Variants in PRPS1 observed in about 807,000 individuals in gnomAD.
PRPS1 encodes the protein ribose-phosphate pyrophosphokinase 1.
In PRPS1, 1 loss-of-function variant was observed where a neutral mutation model predicts 16.9. That is an observed-to-expected ratio of 0.06 (90% CI 0.02 to 0.28). PRPS1 has a LOEUF of 0.28. Ranked by LOEUF, PRPS1 falls within the 10% of genes least tolerant of loss-of-function variation. PRPS1 has a pLI of 1.00. For synonymous variants in PRPS1, 70 were observed against 90.2 expected, an observed-to-expected ratio of 0.78 and a Z score of 1.27; for missense variants, 47 against 254.0, an observed-to-expected ratio of 0.19 and a Z score of 5.54.
chrX:107,636,134 T>G (rs1168687621), intron 1 of PRPS1, among the ~76,000 whole-genome samples: 1 of 110,672 alleles, frequency 9.0e-6, no homozygotes, highest in Non-Finnish European at 1.9e-5. Context: ...TTTGTTTTGT[T>G]TGGTTTGAGA....
At chrX:107,649,322 A>C (rs1925776807) in intron 6 of PRPS1, among the ~76,000 whole-genome samples, 1 of 110,742 alleles carries the variant, frequency 9.0e-6, no homozygotes, top group African/African-American at 3.3e-5. Context: ...CCTGGGCTCA[A>C]GTGATCCTCC....
At chrX:107,633,702 G>A (rs1037007416) in intron 1 of PRPS1, among the ~76,000 whole-genome samples, 5 of 111,085 alleles carry the variant, frequency 4.5e-5, no homozygotes, top group African/African-American at 9.8e-5. Context: ...CAAGGCAGGC[G>A]GATCACCTGA....
At chrX:107,632,297 G>A (rs1391404099) in intron 1 of PRPS1, among the ~76,000 whole-genome samples, 1 of 112,425 alleles carries the variant, frequency 8.9e-6, no homozygotes, top group Non-Finnish European at 1.9e-5. Flanking sequence ...TACTAGCTGA[G>A]AGGAGGAAGA....
At chrX:107,629,117 G>A (rs1449188728) in intron 1 of PRPS1, among the ~76,000 whole-genome samples, 1 of 111,427 alleles carries the variant, frequency 9.0e-6, no homozygotes, top group Non-Finnish European at 1.9e-5. Context: ...AGGCTGGACT[G>A]GGTTGCTTCA....
chrX:107,639,468 A>G lies in PRPS1; in HGVS notation c.296A>G (p.Lys99Arg). Residue 99 changes from lysine to arginine, a missense_variant, in exon 2 of 7, where the codon AAG becomes AGG. Coordinates refer to ENST00000372435, the MANE Select transcript of PRPS1 (RefSeq NM_002764.4). ...IPCFPYARQD[K>R]KDKSRAPISA... is the part of the protein sequence containing the mutation. ...TGCTTCCCTTATGCCCGGCAGGATA[A>G]GAAAGATAAGGTAGGAGCAGAATTT... The G allele has an allele frequency of 8.3e-7, 1 of 1,211,929 alleles. No individual in the cohort carries two copies. Among genetic ancestry groups the G allele is most frequent in the Non-Finnish European group, 1.1e-6 (1 of 895,480 alleles).
chrX:107,647,797 T>C, intron 6 of PRPS1, 32 bp downstream of exon 6: 1 of 1,199,141 alleles, frequency 8.3e-7, no homozygotes, highest in Non-Finnish European at 1.1e-6. Flanking sequence ...AACAAGACTT[T>C]TCTAAGTGTT....
chrX:107,637,946 A>ATT (rs1190280079), intron 1 of PRPS1, among the ~76,000 whole-genome samples: 12 of 104,081 alleles, frequency 1.2e-4, no homozygotes, highest in African/African-American at 2.8e-4. Context: ...ATATATATAT[A>ATT]TATATTTTTT....
At chrX:107,640,504 G>A (rs1281754666) in intron 2 of PRPS1, among the ~76,000 whole-genome samples, 2 of 112,480 alleles carry the variant, frequency 1.8e-5, no homozygotes, top group Non-Finnish European at 3.8e-5. Context: ...ATTCTGTGAT[G>A]TATCTTCAAA....
In PRPS1 at chrX:107,650,788, G is replaced by A; in HGVS notation, c.*756G>A. 1.3e-5 allele frequency: 4 copies of A among 296,843 alleles called. No homozygotes were observed. Among genetic ancestry groups the A allele is most frequent in the Non-Finnish European group, 2.4e-5 (4 of 169,862 alleles). 24.5% of individuals were successfully genotyped at this position (296,843 alleles called of 1,213,427 possible). ...GGAAAGCAAACATGCTTCCTGCTAT[G>A]TAATTGCTAACATTCATATTAGATG... is the stretch of plus-strand genomic sequence containing the variant. On this transcript the variant is annotated 3_prime_UTR_variant, in exon 7 of 7. Transcript: ENST00000372435.
Position 107,650,570 on chromosome X carries a change from G to T in PRPS1, c.*538G>T, listed in dbSNP as rs1057515727. The T allele has an allele frequency of 1.0e-4, 30 of 287,654 alleles. No homozygotes were observed. The highest frequency in any genetic ancestry group is 1.7e-4 in the Non-Finnish European group (28 of 167,082). The allele number at this position is 287,654 out of a possible 1,213,427, so 23.7% of individuals were successfully genotyped here. On this transcript the variant is annotated 3_prime_UTR_variant, in exon 7 of 7. Transcript: ENST00000372435. ...TGGGTGGGGGGTGGGGGGTGGTTGA[G>T]GGGGGAGGCAGCACAGTGCAGCAAA...
chrX:107,641,391 C>T (rs1925568957), intron 3 of PRPS1, among the ~76,000 whole-genome samples: 1 of 111,737 alleles, frequency 8.9e-6, no homozygotes, highest in African/African-American at 3.3e-5. Context: ...TCTTATTCTC[C>T]TTGAATATTC....
intron 1 of PRPS1, 92 bp downstream of exon 1, chrX:107,628,842 T>G: frequency 8.9e-7 from 1 of 1,124,483 alleles, no homozygotes; most frequent in Non-Finnish European, 1.2e-6. Context: ...TCAAACAGAC[T>G]GGGGGTTGGG....
chrX:107,634,214 T>C (rs1925372154), intron 1 of PRPS1, among the ~76,000 whole-genome samples: 1 of 109,615 alleles, frequency 9.1e-6, no homozygotes, highest in East Asian at 2.8e-4. Flanking sequence ...TATTTATGTA[T>C]TTATTTATTT....
chrX:107,639,971 A>G (rs1402524822), intron 2 of PRPS1, among the ~76,000 whole-genome samples: 2 of 112,917 alleles, frequency 1.8e-5, no homozygotes, highest in Non-Finnish European at 3.7e-5. Context: ...TTGCAAGTCT[A>G]TTGTAATTAA....
chrX:107,639,172 T>C (rs1925517780), intron 1 of PRPS1, 123 bp from the exon 2 acceptor site: 37 of 884,266 alleles, frequency 4.2e-5, no homozygotes, highest in South Asian at 1.5e-4. Flanking sequence ...CAGGTGCAAT[T>C]TTTTCTCCAA....
intron 4 of PRPS1, among the ~76,000 whole-genome samples, chrX:107,643,502 A>AT (rs959687120): frequency 2.7e-5 from 3 of 110,136 alleles, no homozygotes; most frequent in African/African-American, 6.6e-5. Flanking sequence ...TTGCTACCTG[A>AT]TTTTTTTTTC....
At position 107,650,087 on chromosome X, in the gene PRPS1, CT is replaced by C; in HGVS notation, c.*57del. The C allele has an allele frequency of 8.3e-7, 1 of 1,209,513 alleles. No individual in the cohort carries two copies. Among genetic ancestry groups the C allele is most frequent in the Non-Finnish European group, 1.1e-6 (1 of 894,476 alleles). ...AAAATCCACCCCACCCTTGTTTCCC[CT>C]TGGTATTTGATGACAAATTCAGCAG... On this transcript the variant is annotated 3_prime_UTR_variant, in exon 7 of 7. Coordinates refer to ENST00000372435, the MANE Select transcript of PRPS1 (RefSeq NM_002764.4).
chrX:107,648,105 G>A (rs924954785), intron 6 of PRPS1, among the ~76,000 whole-genome samples: 2 of 111,878 alleles, frequency 1.8e-5, no homozygotes, highest in East Asian at 2.8e-4. Flanking sequence ...TTTACAGTAT[G>A]TGTTTGTCTG....
intron 1 of PRPS1, among the ~76,000 whole-genome samples, chrX:107,630,506 T>TG (rs1925284862): frequency 8.9e-6 from 1 of 112,013 alleles, no homozygotes; most frequent in Non-Finnish European, 1.9e-5. Context: ...TAGATTTTCT[T>TG]GTTTCTGGCT....
Sources: gnomAD v4.1 joint callset for allele counts (sites outside exome capture counted in the v4.1 genomes callset) on GRCh38, gnomAD v4.1.1 for gene constraint, MANE v1.5 for transcripts, NCBI Gene and HGNC (gene_info 2026-07-23, HGNC 2026-07-21) for gene names.